Variants in GALNT18 observed in about 807,000 individuals in gnomAD.
GALNT18 encodes GalNAc-transferase 18.
GALNT18 carries 44 observed loss-of-function variants against 69.5 expected under a neutral mutation model. The ratio of observed to expected loss-of-function variants is 0.63; its 90% CI spans 0.50 to 0.81. GALNT18 has a LOEUF of 0.81. GALNT18 is among the 40% of genes least tolerant of loss of function. The probability of loss-of-function intolerance (pLI) is 0.00; values close to 1 mark genes in which losing one functional copy is unlikely to be tolerated. For synonymous variants in GALNT18, 364 were observed against 318.2 expected, an observed-to-expected ratio of 1.14 and a Z score of -1.53; for missense variants, 715 against 810.0, an observed-to-expected ratio of 0.88 and a Z score of 1.42.
chr11:11,437,449 G>A (rs191349401), intron 2 of GALNT18, among the ~76,000 whole-genome samples: 2 of 152,232 alleles, frequency 1.3e-5, no homozygotes, highest in East Asian at 1.9e-4. Flanking sequence ...GCAGGGATGG[G>A]GAGCAACAAC....
At chr11:11,385,688 C>G (rs770579474) in intron 3 of GALNT18, among the ~76,000 whole-genome samples, 22 of 152,178 alleles carry the variant, frequency 1.4e-4, no homozygotes, top group Admixed American at 2.6e-4. Context: ...TGTGGAGTTA[C>G]CATCTACAGA....
intron 6 of GALNT18, among the ~76,000 whole-genome samples, chr11:11,342,046 A>G (rs1048382852): frequency 6.6e-6 from 1 of 152,004 alleles, no homozygotes; most frequent in Non-Finnish European, 1.5e-5. Context: ...GAGTAGAGCC[A>G]ATTTCTCCCT....
Position 11,271,258 on chromosome 11 carries a change from G to C in GALNT18, c.1710C>G (p.Arg570=). 6.2e-7 allele frequency: 1 copy of C among 1,614,090 alleles called. No individual in the cohort carries two copies. ...CGCTATTCTCCTGCAGCTCCAGACA[G>C]CGCTTAGACTTGCGGTTCTGGATGG... is the stretch of plus-strand genomic sequence containing the variant. ...GGPIQNRKSK[R]CLELQENSDL... The change falls in exon 11 of 11, where the codon CGC becomes CGG. Residue 570 remains arginine, a synonymous_variant. Coordinates refer to ENST00000227756, the MANE Select transcript of GALNT18 (RefSeq NM_198516.3).
At position 11,377,602 on chromosome 11, in the gene GALNT18, C is replaced by T. The variant is rs1034563716; in HGVS notation, c.780-223G>A. Among the ~76,000 whole-genome samples the T allele has an allele frequency of 6.6e-5, 10 of 152,070 alleles. No individual in the cohort carries two copies. Among genetic ancestry groups the T allele is most frequent in the Admixed American group, 4.6e-4 (7 of 15,284 alleles). Reference sequence around the variant, plus strand: ...AGGCTGCACCACTCCATTGGCATATCCAGAGCTGAGCTGAGAGATTCTTAT... The same window carrying T: ...AGGCTGCACCACTCCATTGGCATATTCAGAGCTGAGCTGAGAGATTCTTAT... On this transcript the variant is annotated intron_variant, in intron 4 of 10. Transcript: ENST00000227756. The surrounding 1 kb of genome is among the most constrained non-coding windows in gnomAD (Gnocchi z 4.6).
Position 11,463,716 on chromosome 11 carries a change from G to A in GALNT18, c.236-14780C>T, listed in dbSNP as rs546635633. Among the ~76,000 whole-genome samples, 1 of 152,292 alleles carries A rather than the reference G, an allele frequency of 6.6e-6. No homozygotes were observed. The highest frequency in any genetic ancestry group is 1.9e-4 in the East Asian group (1 of 5,186). ...CCAACCCCAGGCCCTGGCAGGATAG[G>A]GAAAGGCTTTGAATCCACGTCAAAG... On this transcript the variant is annotated intron_variant, in intron 1 of 10. Coordinates refer to ENST00000227756, the MANE Select transcript of GALNT18 (RefSeq NM_198516.3). The surrounding 1 kb of genome is among the most constrained non-coding windows in gnomAD (Gnocchi z 4.2).
chr11:11,564,000 A>C lies in GALNT18; in HGVS notation c.235+57359T>G, dbSNP rs936117623. 6.6e-6 allele frequency among the ~76,000 whole-genome samples: 1 copy of C among 152,174 alleles called. No homozygotes were observed. Among genetic ancestry groups the C allele is most frequent in the African/African-American group, 2.4e-5 (1 of 41,434 alleles). The stretch of plus-strand genomic sequence containing the variant: ...TGATGGCTTGCTCCAACGCCCTAAA[A>C]ACCAGCAACGATCAACTAGATGCTG... On this transcript the variant is annotated intron_variant, in intron 1 of 10. Transcript: ENST00000227756. The surrounding 1 kb of genome is among the most constrained non-coding windows in gnomAD (Gnocchi z 4.6).
Position 11,497,337 on chromosome 11 carries a change from C to CACAG in GALNT18, c.236-48402_236-48401insCTGT. Among the ~76,000 whole-genome samples, 1 of 148,520 alleles carries CACAG rather than the reference C, an allele frequency of 6.7e-6. No individual in the cohort carries two copies. ...TTACCTCCTGTCTCCAACACACACACACACACACACACACACACACACACA... is the reference window on the plus strand; with the variant it reads ...TTACCTCCTGTCTCCAACACACACACACAGACACACACACACACACACACACACA... On this transcript the variant is annotated intron_variant, in intron 1 of 10. Coordinates refer to ENST00000227756, the MANE Select transcript of GALNT18 (RefSeq NM_198516.3). This position sits in a 1 kb window ranked among gnomAD's most constrained non-coding sequence, Gnocchi z 4.2.
chr11:11,333,222 A>G (rs1210099777), intron 7 of GALNT18, among the ~76,000 whole-genome samples: 5 of 152,172 alleles, frequency 3.3e-5, no homozygotes, highest in Non-Finnish European at 5.9e-5. Context: ...GGGGGGAAGG[A>G]AAAAGCATTG....
chr11:11,509,007 G>C (rs546000550), intron 1 of GALNT18, among the ~76,000 whole-genome samples: 1 of 152,082 alleles, frequency 6.6e-6, no homozygotes, highest in East Asian at 1.9e-4. Flanking sequence ...TCTGGCCCCA[G>C]CTCCCACCCC....
At chr11:11,466,898 G>T (rs114500667) in intron 1 of GALNT18, among the ~76,000 whole-genome samples, 1 of 152,156 alleles carries the variant, frequency 6.6e-6, no homozygotes, top group Non-Finnish European at 1.5e-5. Context: ...TAGGACACAC[G>T]CAGATCAATG....
At chr11:11,567,953 T>C (rs61872876) in intron 1 of GALNT18, among the ~76,000 whole-genome samples, 28,342 of 152,176 alleles carry the variant, frequency 0.19, 2,658 homozygotes, top group Admixed American at 0.23. Context: ...TTAAGAGAAC[T>C]ATATAACCCA....
At chr11:11,336,466 C>T (rs1028525283) in intron 7 of GALNT18, among the ~76,000 whole-genome samples, 2 of 152,202 alleles carry the variant, frequency 1.3e-5, no homozygotes, top group African/African-American at 4.8e-5. Flanking sequence ...AGAGTTAACA[C>T]TTACCTAGCG....
chr11:11,405,329 TA>T (rs1854566376), intron 3 of GALNT18, among the ~76,000 whole-genome samples: 1 of 152,206 alleles, frequency 6.6e-6, no homozygotes, highest in Admixed American at 6.5e-5. Context: ...ACTACACTTA[TA>T]TTGTTTTTAA....
chr11:11,388,652 G>A (rs1277788261), intron 3 of GALNT18, among the ~76,000 whole-genome samples: 1 of 152,232 alleles, frequency 6.6e-6, no homozygotes, highest in Non-Finnish European at 1.5e-5. Context: ...TGCACGATGA[G>A]CTCGGCTAGT....
At chr11:11,280,184 C>T (rs1849040978) in intron 10 of GALNT18, among the ~76,000 whole-genome samples, 1 of 152,182 alleles carries the variant, frequency 6.6e-6, no homozygotes, top group Non-Finnish European at 1.5e-5. Context: ...TACTCAACAG[C>T]ACAGAGACCA....
At chr11:11,433,369 A>C (rs1281433892) in intron 2 of GALNT18, among the ~76,000 whole-genome samples, 1 of 152,210 alleles carries the variant, frequency 6.6e-6, no homozygotes, top group African/African-American at 2.4e-5. Flanking sequence ...CATGAGGAAA[A>C]GGTAGAAGGA....
Position 11,592,104 on chromosome 11 carries a change from T to C in GALNT18, c.235+29255A>G, listed in dbSNP as rs369578984. 6.6e-6 allele frequency among the ~76,000 whole-genome samples: 1 copy of C among 152,328 alleles called. No homozygotes were observed. Among genetic ancestry groups the C allele is most frequent in the African/African-American group, 2.4e-5 (1 of 41,582 alleles). ...GTACCTGGCATGTAATAAAACTCAA[T>C]AAATGCTAGCTATTTGGCACAAACC... On this transcript the variant is annotated intron_variant, in intron 1 of 10. Coordinates refer to ENST00000227756, the MANE Select transcript of GALNT18 (RefSeq NM_198516.3). This position sits in a 1 kb window ranked among gnomAD's most constrained non-coding sequence, Gnocchi z 5.9.
chr11:11,455,081 G>A (rs1855896688), intron 1 of GALNT18, among the ~76,000 whole-genome samples: 1 of 152,204 alleles, frequency 6.6e-6, no homozygotes, highest in South Asian at 2.1e-4. Flanking sequence ...ATTCAGAGAT[G>A]CTCCCTGATA....
chr11:11,611,008 C>G (rs1859885707), intron 1 of GALNT18, among the ~76,000 whole-genome samples: 1 of 152,170 alleles, frequency 6.6e-6, no homozygotes, highest in African/African-American at 2.4e-5. Context: ...GGGATGCTAA[C>G]CAAGGCACAG....
Sources: gnomAD v4.1 joint callset for allele counts (sites outside exome capture counted in the v4.1 genomes callset) on GRCh38, gnomAD v4.1.1 for gene constraint, Gnocchi (gnomAD v3.1) non-coding constraint, MANE v1.5 for transcripts, NCBI Gene and HGNC (gene_info 2026-07-23, HGNC 2026-07-21) for gene names.